The following ZNF384 variants were observed in gnomAD, a reference collection of about 807,000 sequenced individuals.
ZNF384 encodes CAG repeat protein 1.
A neutral mutation model predicts 65.0 loss-of-function variants in ZNF384; 20 were observed. The ratio of observed to expected loss-of-function variants is 0.31; its 90% confidence interval spans 0.22 to 0.45. The LOEUF is 0.45. Among genes scored for constraint, ZNF384 ranks in the 20% least tolerant of loss-of-function variants. The pLI is 1.00. For missense variants in ZNF384, 549 were observed against 769.4 expected, an observed-to-expected ratio of 0.71 and a Z score of 3.39; for synonymous variants, 310 against 303.9, an observed-to-expected ratio of 1.02 and a Z score of -0.21.
At chr12:6,679,429 G>A in intron 3 of ZNF384, 26 bp downstream of exon 3, 1 of 1,608,582 alleles carries the variant, frequency 6.2e-7, no homozygotes, top group Non-Finnish European at 8.5e-7. Flanking sequence ...GAGACTTGGA[G>A]AGAGCAAGAA....
chr12:6,679,420 A>G, intron 3 of ZNF384, 35 bp downstream of exon 3: 1 of 1,597,924 alleles, frequency 6.3e-7, no homozygotes, highest in African/African-American at 1.3e-5. Context: ...CTTACTACTG[A>G]GACTTGGAGA....
rs1350107590 is a variant in ZNF384 at position 6,672,142 on chromosome 12, C to T, written c.1187+208G>A. The T allele has an allele frequency of 5.3e-6, 3 of 569,378 alleles. No individual in the cohort carries two copies. The highest frequency in any genetic ancestry group is 9.4e-6 in the Non-Finnish European group (3 of 319,156). The allele number at this position is 569,378 out of a possible 1,614,324, so 35.3% of individuals were successfully genotyped here. On this transcript the variant is annotated intron_variant, in intron 9 of 11. Coordinates refer to ENST00000683879, the MANE Select transcript of ZNF384 (RefSeq NM_001385745.1). The surrounding 1 kb of genome is among the most constrained non-coding windows in gnomAD (Gnocchi z 4.4). ...GAATATCATATAGTCACTGCAGCTCCCCGACGTAGCTCTTGCCCCAGAGAA... is the reference window on the plus strand; with the variant it reads ...GAATATCATATAGTCACTGCAGCTCTCCGACGTAGCTCTTGCCCCAGAGAA...
At chr12:6,676,955 G>GT (rs1487573547) in intron 7 of ZNF384, among the ~76,000 whole-genome samples, 1 of 152,128 alleles carries the variant, frequency 6.6e-6, no homozygotes, top group Non-Finnish European at 1.5e-5. Context: ...ATAAAGAGCG[G>GT]TTTAAACACT....
At chr12:6,676,482 C>T (rs537671210) in intron 7 of ZNF384, among the ~76,000 whole-genome samples, 8 of 152,308 alleles carry the variant, frequency 5.3e-5, no homozygotes, top group African/African-American at 1.7e-4. Flanking sequence ...TTTCTTCCAA[C>T]TGTATATGTG....
In ZNF384 at chr12:6,673,101, C is replaced by T. The variant is rs779825705; in HGVS notation, c.1004+115G>A. ...AGACAGTAATAGGAGGTTGAGGCTA[C>T]CAATGGGCAAAGGTGAAAGGGAAAG... On this transcript the variant is annotated intron_variant, in intron 8 of 11. Transcript: ENST00000683879. This position sits in a 1 kb window ranked among gnomAD's most constrained non-coding sequence, Gnocchi z 4.7. The T allele has an allele frequency of 7.2e-6, 7 of 969,794 alleles. No homozygotes were observed. The highest frequency in any genetic ancestry group is 1.1e-5 in the Non-Finnish European group (7 of 649,640). The allele number at this position is 969,794 out of a possible 1,614,324, so 60.1% of individuals were successfully genotyped here. A position where few individuals can be genotyped will look rare whatever the true frequency, so the allele number is the denominator to read the frequency against.
Position 6,678,563 on chromosome 12 carries a change from C to T in ZNF384, c.352+100G>A, listed in dbSNP as rs760517565. ...TTGTCTAATTAACCCCTCACCCCCC[C>T]GCCGACCCAACCCAGAGTACACAGG... On this transcript the variant is annotated intron_variant, in intron 5 of 11. Transcript: ENST00000683879. The surrounding 1 kb of genome is among the most constrained non-coding windows in gnomAD (Gnocchi z 4.9). 44 of 1,551,112 alleles carry T rather than the reference C, an allele frequency of 2.8e-5. No homozygotes were observed. The Middle Eastern group carries it at 1.0e-3, about 37-fold the overall frequency.
intron 2 of ZNF384, among the ~76,000 whole-genome samples, chr12:6,683,051 G>A (rs2137199924): frequency 6.6e-6 from 1 of 152,178 alleles, no homozygotes; most frequent in Admixed American, 6.5e-5. Context: ...TGCACTTTGG[G>A]AGGCTGAGGC....
rs1239622068 is a variant in ZNF384 at position 6,670,752 on chromosome 12, A to G, written c.1266+8T>C. The G allele has an allele frequency of 6.2e-7, 1 of 1,613,842 alleles. No individual in the cohort carries two copies. Among genetic ancestry groups the G allele is most frequent in the Non-Finnish European group, 8.5e-7 (1 of 1,179,762 alleles). On this transcript the variant is annotated splice_region_variant and intron_variant, in intron 10 of 11. Transcript: ENST00000683879. The stretch of plus-strand genomic sequence containing the variant: ...CTCAAGGTCTTGTGTGGAGGGTGGA[A>G]CATTTACCTGCAGATTGGAGAGTTG...
At position 6,678,969 on chromosome 12, in the gene ZNF384, G is replaced by A. The variant is rs1453344698; in HGVS notation, c.281C>T (p.Pro94Leu). The A allele has an allele frequency of 7.4e-6, 12 of 1,613,938 alleles. No individual in the cohort carries two copies. The highest frequency in any genetic ancestry group is 2.2e-5 in the East Asian group (1 of 44,896). The change falls in exon 4 of 12, where the codon CCG becomes CTG. Residue 94 changes from proline (P) to leucine (L), a missense_variant. By Grantham distance (98) the Pro-to-Leu change is moderately conservative. Around this residue, in one of 5 missense-constraint regions of ZNF384, gnomAD observed 277 missense variants for 337.2 expected, o/e 0.82. Transcript: ENST00000683879. This position sits in a 1 kb window ranked among gnomAD's most constrained non-coding sequence, Gnocchi z 4.9. ...VTQNITVVPV[P>L]STGLMTAGVS... ...ACCAGCAGTCATCAGTCCTGTAGACGGCACAGGGACCACCGTGATATTCTG... is the reference window on the plus strand; with the variant it reads ...ACCAGCAGTCATCAGTCCTGTAGACAGCACAGGGACCACCGTGATATTCTG...
At position 6,667,513 on chromosome 12, in the gene ZNF384, T is replaced by C. The variant is rs1200803566; in HGVS notation, c.*201A>G. On this transcript the variant is annotated 3_prime_UTR_variant, in exon 12 of 12. Coordinates refer to ENST00000683879, the MANE Select transcript of ZNF384 (RefSeq NM_001385745.1). ...ATGACACCATCAGCTCAGTATTCCTTTGCAATCAGGAGGGCTGATGTTCCT... is the reference window on the plus strand; with the variant it reads ...ATGACACCATCAGCTCAGTATTCCTCTGCAATCAGGAGGGCTGATGTTCCT... 1.4e-6 allele frequency: 1 copy of C among 737,316 alleles called. No homozygotes were observed. The highest frequency in any genetic ancestry group is 1.7e-5 in the African/African-American group (1 of 57,434). 45.7% of individuals were successfully genotyped at this position (737,316 alleles called of 1,614,324 possible).
At chr12:6,687,685 AAAT>A (rs1461054442) in intron 2 of ZNF384, among the ~76,000 whole-genome samples, 1 of 152,116 alleles carries the variant, frequency 6.6e-6, no homozygotes, top group Non-Finnish European at 1.5e-5. Flanking sequence ...TACCAAATTC[AAAT>A]AACCCTGTGT....
At chr12:6,687,051 G>GT (rs1484426402) in intron 2 of ZNF384, among the ~76,000 whole-genome samples, 4 of 151,968 alleles carry the variant, frequency 2.6e-5, no homozygotes, top group Admixed American at 6.6e-5. Flanking sequence ...CACAGAGAAA[G>GT]TTTTTTTTGT....
Position 6,673,610 on chromosome 12 carries a change from A to G in ZNF384, c.780-170T>C, listed in dbSNP as rs948375171. ...GGCCTAAGCTTCTAACATGGTGCCC[A>G]GCACATTATAAATATTCAATAAATG... On this transcript the variant is annotated intron_variant, in intron 7 of 11. Coordinates refer to ENST00000683879, the MANE Select transcript of ZNF384 (RefSeq NM_001385745.1). This position sits in a 1 kb window ranked among gnomAD's most constrained non-coding sequence, Gnocchi z 4.7. 6.6e-6 allele frequency among the ~76,000 whole-genome samples: 1 copy of G among 152,186 alleles called. No individual in the cohort carries two copies. The highest frequency in any genetic ancestry group is 2.4e-5 in the African/African-American group (1 of 41,442).
Position 6,672,612 on chromosome 12 carries a change from A to C in ZNF384, c.1005-80T>G. The C allele has an allele frequency of 7.1e-7, 1 of 1,406,106 alleles. No homozygotes were observed. Among genetic ancestry groups the C allele is most frequent in the South Asian group, 1.3e-5 (1 of 77,382 alleles). The allele number at this position is 1,406,106 out of a possible 1,614,324, so 87.1% of individuals were successfully genotyped here. A position where few individuals can be genotyped will look rare whatever the true frequency, so the allele number is the denominator to read the frequency against. ...GCTCAGCTCTCTGCTGGGTGAAATGACGTTGCTTGACGGATGAGAGCACCC... is the reference window on the plus strand; with the variant it reads ...GCTCAGCTCTCTGCTGGGTGAAATGCCGTTGCTTGACGGATGAGAGCACCC... On this transcript the variant is annotated intron_variant, in intron 8 of 11. Transcript: ENST00000683879. The surrounding 1 kb of genome is among the most constrained non-coding windows in gnomAD (Gnocchi z 4.4).
At chr12:6,674,767 T>C (rs1377753617) in intron 7 of ZNF384, among the ~76,000 whole-genome samples, 1 of 152,188 alleles carries the variant, frequency 6.6e-6, no homozygotes, top group Admixed American at 6.5e-5. Flanking sequence ...AATGGAAAGA[T>C]AAATTTTTGC....
chr12:6,687,678 C>G (rs192412203), intron 2 of ZNF384, among the ~76,000 whole-genome samples: 61 of 152,100 alleles, frequency 4.0e-4, no homozygotes, highest in African/African-American at 1.4e-3. Flanking sequence ...CTTGCCATAC[C>G]AAATTCAAAT....
Position 6,678,834 on chromosome 12 carries a change from G to C in ZNF384, c.304+112C>G. On this transcript the variant is annotated intron_variant, in intron 4 of 11. Coordinates refer to ENST00000683879, the MANE Select transcript of ZNF384 (RefSeq NM_001385745.1). The surrounding 1 kb of genome is among the most constrained non-coding windows in gnomAD (Gnocchi z 4.9). ...CACAGTAGGCACTTAATAAAAATTT[G>C]ATTGAATAATCAAACACATATCCCA... 2 of 1,473,634 alleles carry C rather than the reference G, an allele frequency of 1.4e-6. No individual in the cohort carries two copies. Among genetic ancestry groups the C allele is most frequent in the Non-Finnish European group, 1.9e-6 (2 of 1,061,762 alleles). The allele number at this position is 1,473,634 out of a possible 1,614,324, so 91.3% of individuals were successfully genotyped here. A position where few individuals can be genotyped will look rare whatever the true frequency, so the allele number is the denominator to read the frequency against.
intron 9 of ZNF384, 100 bp from the exon 10 acceptor site, chr12:6,670,938 G>T: frequency 9.4e-7 from 1 of 1,063,910 alleles, no homozygotes; most frequent in Non-Finnish European, 1.4e-6. Flanking sequence ...TCCTAAGGAG[G>T]CACATCAGAT....
intron 1 of ZNF384, 162 bp downstream of exon 1, chr12:6,688,936 A>G (rs1263116872): frequency 6.9e-6 from 1 of 143,988 alleles, no homozygotes; most frequent in Non-Finnish European, 1.5e-5. Flanking sequence ...AAACCCCCCC[A>G]TTCCTTCCCA....
Sources: allele counts gnomAD v4.1 joint callset (sites outside exome capture counted in the v4.1 genomes callset), GRCh38; gene constraint gnomAD v4.1.1; regional missense constraint gnomAD v4.1.1; non-coding constraint Gnocchi (gnomAD v3.1); transcripts MANE v1.5; gene names NCBI Gene and HGNC (gene_info 2026-07-23, HGNC 2026-07-21).